The following SLC39A9 variants were observed in gnomAD, a reference collection of about 807,000 sequenced individuals.
SLC39A9 encodes the protein solute carrier family 39 member 9, also known as zinc transporter ZIP9.
Under a neutral mutation model 28.4 loss-of-function variants are expected in SLC39A9, and 14 were observed. The observed-to-expected ratio is 0.49, with a 90% confidence interval of 0.33 to 0.77. The LOEUF (loss-of-function observed/expected upper bound fraction) is 0.77, where lower values mean the gene tolerates loss of function less well. Ranked by LOEUF, SLC39A9 falls within the 30% of genes least tolerant of loss-of-function variation. SLC39A9 has a pLI of 0.02. For missense variants in SLC39A9, 283 were observed against 381.1 expected, an observed-to-expected ratio of 0.74 and a Z score of 2.14; for synonymous variants, 119 against 149.6, an observed-to-expected ratio of 0.80 and a Z score of 1.49.
In SLC39A9 at chr14:69,458,539, C is replaced by T. The variant is rs1566927960; in HGVS notation, c.870C>T (p.Ala290=). Residue 290 remains alanine (A), a synonymous_variant, in exon 7 of 7, where the codon GCC becomes GCT. Transcript: ENST00000336643. The part of the protein sequence containing the change: ...GRGLSRLEVA[A]LVLGCLIPLI... ...GCCTCAGCCGCCTGGAAGTGGCAGC[C>T]CTGGTTCTGGGTTGCCTCATCCCTC... is the stretch of plus-strand genomic sequence containing the variant. The T allele has an allele frequency of 6.2e-7, 1 of 1,614,074 alleles. No individual in the cohort carries two copies. The highest frequency in any genetic ancestry group is 8.5e-7 in the Non-Finnish European group (1 of 1,179,976).
Position 69,459,561 on chromosome 14 carries a change from T to G in SLC39A9, c.*968T>G, listed in dbSNP as rs1338656550. The G allele has an allele frequency of 3.1e-5, 30 of 980,076 alleles. No homozygotes were observed. Among genetic ancestry groups the G allele is most frequent in the East Asian group, 1.1e-4 (1 of 8,798 alleles). 60.7% of individuals were successfully genotyped at this position (980,076 alleles called of 1,614,324 possible). Reference sequence around the variant, plus strand: ...TATGGTTGTCCTTTTTTTTTGTTTTTTTTTTTTTTAATTATTTCTCTTAGC... The same window carrying G: ...TATGGTTGTCCTTTTTTTTTGTTTTGTTTTTTTTTAATTATTTCTCTTAGC... On this transcript the variant is annotated 3_prime_UTR_variant, in exon 7 of 7. Transcript: ENST00000336643.
intron 3 of SLC39A9, among the ~76,000 whole-genome samples, chr14:69,450,651 G>C (rs1020963415): frequency 6.6e-6 from 1 of 152,152 alleles, no homozygotes; most frequent in Non-Finnish European, 1.5e-5. Flanking sequence ...AGTGGCACTT[G>C]CCTGTAATCA....
intron 1 of SLC39A9, among the ~76,000 whole-genome samples, chr14:69,403,573 A>G (rs772249448): frequency 1.3e-5 from 2 of 152,246 alleles, no homozygotes; most frequent in African/African-American, 2.4e-5. Flanking sequence ...ATGAAGTGAA[A>G]AAAAGACATA....
chr14:69,429,869 T>A (rs2140281792), intron 2 of SLC39A9, among the ~76,000 whole-genome samples: 1 of 152,336 alleles, frequency 6.6e-6, no homozygotes, highest in Middle Eastern at 3.4e-3. Flanking sequence ...CAACACTTAG[T>A]GTTGTCTGTT....
intron 1 of SLC39A9, among the ~76,000 whole-genome samples, chr14:69,404,530 G>T (rs1278212712): frequency 6.6e-6 from 1 of 152,148 alleles, no homozygotes; most frequent in African/African-American, 2.4e-5. Context: ...AGAAAAACTT[G>T]TAAAGATTTT....
intron 2 of SLC39A9, among the ~76,000 whole-genome samples, chr14:69,431,328 A>G (rs1884479366): frequency 6.6e-6 from 1 of 151,944 alleles, no homozygotes; most frequent in Non-Finnish European, 1.5e-5. Flanking sequence ...TTTTTTGTAG[A>G]TTCCTTGGGA....
intron 2 of SLC39A9, among the ~76,000 whole-genome samples, chr14:69,434,086 T>TTC (rs1884626249): frequency 6.8e-6 from 1 of 146,058 alleles, no homozygotes; most frequent in Admixed American, 6.8e-5. Flanking sequence ...TTCTTTTCTT[T>TTC]TTTTTTTTTT....
chr14:69,430,524 G>C (rs949918793), intron 2 of SLC39A9, among the ~76,000 whole-genome samples: 7 of 151,882 alleles, frequency 4.6e-5, no homozygotes, highest in Non-Finnish European at 7.4e-5. Context: ...CTGTTTTATT[G>C]ATCTGTATGT....
At chr14:69,434,152 C>T (rs1410159048) in intron 2 of SLC39A9, among the ~76,000 whole-genome samples, 8 of 149,278 alleles carry the variant, frequency 5.4e-5, no homozygotes, top group South Asian at 2.1e-4. Context: ...GGCATGATCT[C>T]GGCACACTGC....
At position 69,398,928 on chromosome 14, in the gene SLC39A9, A is replaced by C. The variant is rs1239132059; in HGVS notation, c.-442A>C. 1 of 195,276 alleles carries C rather than the reference A, an allele frequency of 5.1e-6. No individual in the cohort carries two copies. The highest frequency in any genetic ancestry group is 2.4e-5 in the African/African-American group (1 of 41,656). The allele number at this position is 195,276 out of a possible 1,614,324, so 12.1% of individuals were successfully genotyped here. A position where few individuals can be genotyped will look rare whatever the true frequency, so the allele number is the denominator to read the frequency against. On this transcript the variant is annotated 5_prime_UTR_variant, in exon 1 of 7. Transcript: ENST00000336643. Reference sequence around the variant, plus strand: ...GCTGGTTTCCTGCTCTGGGGGGCGGATCACCTTCGGGGCCGCCTCTTGGAG... The same window carrying C: ...GCTGGTTTCCTGCTCTGGGGGGCGGCTCACCTTCGGGGCCGCCTCTTGGAG...
At chr14:69,456,921 T>C (rs1181002632) in intron 6 of SLC39A9, among the ~76,000 whole-genome samples, 1 of 152,216 alleles carries the variant, frequency 6.6e-6, no homozygotes, top group African/African-American at 2.4e-5. Flanking sequence ...TCCATTTACC[T>C]GAAGAGCCTT....
chr14:69,446,208 C>G lies in SLC39A9; in HGVS notation c.403+3942C>G, dbSNP rs1006812661. 4.6e-5 allele frequency among the ~76,000 whole-genome samples: 7 copies of G among 151,528 alleles called. No individual in the cohort carries two copies. The South Asian group carries it at 1.3e-3, about 27-fold the overall frequency. On this transcript the variant is annotated intron_variant, in intron 3 of 6. Transcript: ENST00000336643. ...AGGCAAGAAAGAACCCCTATAGGGA[C>G]TTATTGGAATTGGAAGTATTGGACT... is the stretch of plus-strand genomic sequence containing the variant.
intron 3 of SLC39A9, among the ~76,000 whole-genome samples, chr14:69,448,034 G>A (rs1885421328): frequency 1.3e-5 from 2 of 151,808 alleles, no homozygotes; most frequent in South Asian, 4.2e-4. Flanking sequence ...CTAACACGGT[G>A]AAACCTCGTC....
chr14:69,398,409 GCTA>G (rs1426424749), upstream of SLC39A9: 4 of 787,930 alleles, frequency 5.1e-6, no homozygotes, highest in African/African-American at 7.0e-5. Context: ...AGCTAGAGCA[GCTA>G]CTGACTCTGT....
chr14:69,402,787 T>C (rs534471536), intron 1 of SLC39A9, among the ~76,000 whole-genome samples: 7 of 152,272 alleles, frequency 4.6e-5, no homozygotes, highest in African/African-American at 1.7e-4. Flanking sequence ...TTTTAACTTT[T>C]AAAGGAGGCC....
At chr14:69,446,968 C>CGAGA (rs143464726) in intron 3 of SLC39A9, among the ~76,000 whole-genome samples, 3,021 of 121,862 alleles carry the variant, frequency 0.025, 48 homozygotes, top group Middle Eastern at 0.085. Flanking sequence ...AGAGAGAGAG[C>CGAGA]GAGAGAGAGA....
chr14:69,439,529 G>C (rs1884942218), intron 2 of SLC39A9, among the ~76,000 whole-genome samples: 1 of 152,164 alleles, frequency 6.6e-6, no homozygotes. Flanking sequence ...AGTACCCAAA[G>C]TGATCTACAG....
Position 69,427,092 on chromosome 14 carries a change from C to T in SLC39A9, c.205+2890C>T, listed in dbSNP as rs115199895. Among the ~76,000 whole-genome samples the T allele has an allele frequency of 4.0e-3, 603 of 151,190 alleles. 6 individuals are homozygous for T. The highest frequency in any genetic ancestry group is 0.014 in the African/African-American group (580 of 41,204). ...GGTGTGATCACTGCAGCCTTGACTT[C>T]CCCAGGTTCAGGTGACCCTCCTACC... is the stretch of plus-strand genomic sequence containing the variant. On this transcript the variant is annotated intron_variant, in intron 2 of 6. Transcript: ENST00000336643.
chr14:69,440,694 A>T (rs1885004497), intron 2 of SLC39A9, among the ~76,000 whole-genome samples: 1 of 152,138 alleles, frequency 6.6e-6, no homozygotes, highest in South Asian at 2.1e-4. Context: ...TGTTTTTTTG[A>T]GACAGAGTCT....
Sources: gnomAD v4.1 joint callset for allele counts (sites outside exome capture counted in the v4.1 genomes callset) on GRCh38, gnomAD v4.1.1 for gene constraint, MANE v1.5 for transcripts, NCBI Gene and HGNC (gene_info 2026-07-23, HGNC 2026-07-21) for gene names.